WWOX: variants seen among roughly 807,000 people sequenced by gnomAD.
WWOX encodes the protein WW domain containing oxidoreductase, also known as WW domain-containing oxidoreductase.
A neutral mutation model predicts 46.2 loss-of-function variants in WWOX; 69 were observed. The observed-to-expected ratio is 1.49, with a 90% CI of 1.23 to 1.82. The LOEUF (loss-of-function observed/expected upper bound fraction) is 1.82, where lower values mean the gene tolerates loss of function less well. Ranked by LOEUF, WWOX falls within the 40% of genes most tolerant of loss-of-function variation. The pLI is 0.00. For missense variants in WWOX, 919 were observed against 542.6 expected, an observed-to-expected ratio of 1.69 and a Z score of -6.89; for synonymous variants, 359 against 202.6, an observed-to-expected ratio of 1.77 and a Z score of -6.56.
chr16:78,573,917 G>C (rs1451842872), intron 8 of WWOX, among the ~76,000 whole-genome samples: 2 of 152,212 alleles, frequency 1.3e-5, no homozygotes, highest in Non-Finnish European at 2.9e-5. Context: ...CTGAGTATCA[G>C]ACTTAGCTGG....
At chr16:78,544,125 A>G (rs905195286) in intron 8 of WWOX, among the ~76,000 whole-genome samples, 1 of 152,192 alleles carries the variant, frequency 6.6e-6, no homozygotes, top group African/African-American at 2.4e-5. Context: ...TTACTTGCAT[A>G]TATTGGCCAA....
chr16:78,585,622 C>A (rs961337582), intron 8 of WWOX, among the ~76,000 whole-genome samples: 1 of 151,908 alleles, frequency 6.6e-6, no homozygotes, highest in African/African-American at 2.4e-5. Context: ...CAAGTCACTT[C>A]GCAGCACAAT....
intron 8 of WWOX, among the ~76,000 whole-genome samples, chr16:78,754,518 GTTTT>G (rs2049586619): frequency 1.3e-5 from 2 of 151,862 alleles, no homozygotes; most frequent in African/African-American, 2.4e-5. Context: ...TGCTCTTAAG[GTTTT>G]TTGTTTTTGT....
At chr16:78,388,055 C>T (rs1031173707) in intron 6 of WWOX, among the ~76,000 whole-genome samples, 4 of 152,118 alleles carry the variant, frequency 2.6e-5, no homozygotes, top group African/African-American at 9.7e-5. Flanking sequence ...GTCCAATTCT[C>T]CTTGCATGGC....
chr16:78,331,534 A>G (rs183201670), intron 5 of WWOX, among the ~76,000 whole-genome samples: 7 of 152,290 alleles, frequency 4.6e-5, no homozygotes, highest in African/African-American at 1.4e-4. Flanking sequence ...ACTTCCTTGT[A>G]TAGGTACAAA....
At chr16:78,718,973 T>G (rs2142346824) in intron 8 of WWOX, among the ~76,000 whole-genome samples, 1 of 152,080 alleles carries the variant, frequency 6.6e-6, no homozygotes, top group Non-Finnish European at 1.5e-5. Context: ...TCATTCACAT[T>G]TTTTTGAGTC....
chr16:78,991,458 G>T (rs1452293376), intron 8 of WWOX, among the ~76,000 whole-genome samples: 3 of 151,966 alleles, frequency 2.0e-5, no homozygotes, highest in Middle Eastern at 3.2e-3. Flanking sequence ...AAAATTAGCT[G>T]GGTGTGGTGG....
chr16:78,236,646 G>T (rs2037447919), intron 5 of WWOX, among the ~76,000 whole-genome samples: 1 of 152,152 alleles, frequency 6.6e-6, no homozygotes, highest in African/African-American at 2.4e-5. Flanking sequence ...AGCAGGATAA[G>T]ACACTAGTAA....
At chr16:79,175,056 C>G (rs996902797) in intron 8 of WWOX, among the ~76,000 whole-genome samples, 1 of 152,216 alleles carries the variant, frequency 6.6e-6, no homozygotes, top group African/African-American at 2.4e-5. Context: ...CCACCAATCT[C>G]TGCCAGTACA....
At chr16:78,619,136 AAAAAAAATATATATATATATATATATAT>A (rs2046106042) in intron 8 of WWOX, among the ~76,000 whole-genome samples, 1 of 10,308 alleles carries the variant, frequency 9.7e-5, no homozygotes, top group African/African-American at 3.2e-4. Flanking sequence ...TTTCTACTAA[AAAAAAAATATATATATATATATATATAT>A]ATATATATAT....
chr16:79,080,686 G>C (rs979799951), intron 8 of WWOX, among the ~76,000 whole-genome samples: 2 of 152,158 alleles, frequency 1.3e-5, no homozygotes, highest in African/African-American at 4.8e-5. Flanking sequence ...CCATGGCTTA[G>C]CCGGGTACAG....
chr16:78,530,387 A>G (rs913027445), intron 8 of WWOX, among the ~76,000 whole-genome samples: 2 of 152,168 alleles, frequency 1.3e-5, no homozygotes, highest in African/African-American at 4.8e-5. Context: ...TTTATTGCTG[A>G]TGAAAGTGGC....
intron 8 of WWOX, among the ~76,000 whole-genome samples, chr16:79,137,740 C>G (rs2050010567): frequency 6.6e-6 from 1 of 152,076 alleles, no homozygotes; most frequent in Non-Finnish European, 1.5e-5. Context: ...ACTCCTCCTG[C>G]TCTCCAGCCT....
chr16:78,548,628 A>G (rs1361836219), intron 8 of WWOX, among the ~76,000 whole-genome samples: 1 of 152,162 alleles, frequency 6.6e-6, no homozygotes, highest in African/African-American at 2.4e-5. Context: ...ACTCTAAATG[A>G]TTTTGCCTTT....
chr16:78,379,037 C>A (rs1224000965), intron 5 of WWOX, among the ~76,000 whole-genome samples: 1 of 152,168 alleles, frequency 6.6e-6, no homozygotes, highest in Admixed American at 6.5e-5. Context: ...CTGTGTCTTA[C>A]TAGCTTGGCC....
At chr16:78,271,150 G>T (rs1328406665) in intron 5 of WWOX, among the ~76,000 whole-genome samples, 1 of 152,158 alleles carries the variant, frequency 6.6e-6, no homozygotes, top group African/African-American at 2.4e-5. Flanking sequence ...TGTGGACGCT[G>T]TTCTGTGCCA....
At chr16:78,943,998 C>G (rs1333875460) in intron 8 of WWOX, among the ~76,000 whole-genome samples, 1 of 152,134 alleles carries the variant, frequency 6.6e-6, no homozygotes, top group Non-Finnish European at 1.5e-5. Context: ...ATTTTAGAAG[C>G]TCATCAAGGA....
chr16:78,762,357 C>G (rs1313068683), intron 8 of WWOX, among the ~76,000 whole-genome samples: 1 of 152,144 alleles, frequency 6.6e-6, no homozygotes, highest in Non-Finnish European at 1.5e-5. Flanking sequence ...TGACCCCAGG[C>G]CTGCTGAGTC....
In WWOX at chr16:78,543,324, G is replaced by C. The variant is rs911239617; in HGVS notation, c.1056+110572G>C. 8.5e-5 allele frequency among the ~76,000 whole-genome samples: 13 copies of C among 152,298 alleles called. No individual in the cohort carries two copies. In the East Asian group the frequency reaches 2.3e-3, roughly 27 times the overall value. Reference sequence around the variant, plus strand: ...ACGTGGCCCTGAAGAGGGTGGGAATGTCTCATCCCCCTGTGGGCTTAGAAG... The same window carrying C: ...ACGTGGCCCTGAAGAGGGTGGGAATCTCTCATCCCCCTGTGGGCTTAGAAG... On this transcript the variant is annotated intron_variant, in intron 8 of 8. Transcript: ENST00000566780.
Sources: gnomAD v4.1 joint callset for allele counts (sites outside exome capture counted in the v4.1 genomes callset) on GRCh38, gnomAD v4.1.1 for gene constraint, MANE v1.5 for transcripts, NCBI Gene and HGNC (gene_info 2026-07-23, HGNC 2026-07-21) for gene names.